BCAT1: variants seen among roughly 807,000 people sequenced by gnomAD.
BCAT1 encodes the protein branched chain amino acid transaminase 1.
A neutral mutation model predicts 52.4 loss-of-function variants in BCAT1; 48 were observed. That is an observed-to-expected ratio of 0.92 (90% CI 0.73 to 1.16). The LOEUF is 1.16. Among genes scored for constraint, BCAT1 ranks in the 50% most tolerant of loss-of-function variants. BCAT1 has a pLI of 0.00. For missense variants in BCAT1, 451 were observed against 457.1 expected (o/e 0.99, Z 0.12); for synonymous variants, 167 against 161.3 (o/e 1.04, Z -0.27).
At chr12:24,850,952 A>G (rs1351700057) in intron 5 of BCAT1, among the ~76,000 whole-genome samples, 1 of 152,238 alleles carries the variant, frequency 6.6e-6, no homozygotes, top group Non-Finnish European at 1.5e-5. Flanking sequence ...AATAACAAAG[A>G]TAGAAGACCA....
At chr12:24,849,688 T>C (rs1941446586) in intron 6 of BCAT1, 98 bp downstream of exon 6, 2 of 1,276,088 alleles carry the variant, frequency 1.6e-6, no homozygotes. Context: ...GCATTAAAGT[T>C]TGAAAAGTAT....
intron 1 of BCAT1, among the ~76,000 whole-genome samples, chr12:24,906,040 T>C (rs1287164783): frequency 6.6e-6 from 1 of 151,484 alleles, no homozygotes; most frequent in Non-Finnish European, 1.5e-5. Flanking sequence ...AATACAAAAA[T>C]TAGCCGGGCT....
In BCAT1 at chr12:24,900,310, G is replaced by A. The variant is rs569397364; in HGVS notation, c.78+1504C>T. Among the ~76,000 whole-genome samples the A allele has an allele frequency of 4.6e-5, 7 of 152,312 alleles. No individual in the cohort carries two copies. In the South Asian group the frequency reaches 1.4e-3, roughly 32 times the overall value. On this transcript the variant is annotated intron_variant, in intron 2 of 10. Coordinates refer to ENST00000261192, the MANE Select transcript of BCAT1 (RefSeq NM_005504.7). ...AAATAAAAAAGATTATTTATGGCCAGGCATTGTGGCTTATGCCTGTGACCC... is the reference window on the plus strand; with the variant it reads ...AAATAAAAAAGATTATTTATGGCCAAGCATTGTGGCTTATGCCTGTGACCC...
intron 1 of BCAT1, among the ~76,000 whole-genome samples, chr12:24,911,997 G>A (rs1943335154): frequency 6.6e-6 from 1 of 152,092 alleles, no homozygotes; most frequent in Non-Finnish European, 1.5e-5. Context: ...ATTATATACT[G>A]GATTGCTTTG....
Position 24,901,818 on chromosome 12 carries a change from A to T in BCAT1, c.74T>A (p.Phe25Tyr). ...EGGSKEVVGT[F>Y]KAKDLIVTPA... The stretch of plus-strand genomic sequence containing the variant: ...AGCCTCTGGCAAGCAACTTACCTTA[A>T]AAGTCCCCACCACCTCTTTTGATCC... Residue 25 changes from phenylalanine to tyrosine, a missense_variant, in exon 2 of 11, where the codon TTT (phenylalanine) becomes TAT (tyrosine). Transcript: ENST00000261192. The T allele has an allele frequency of 1.2e-6, 2 of 1,613,912 alleles. No homozygotes were observed. The highest frequency in any genetic ancestry group is 1.7e-6 in the Non-Finnish European group (2 of 1,179,868).
chr12:24,829,772 TA>T (rs35406045), intron 10 of BCAT1, 50 bp downstream of exon 10: 354,073 of 1,350,754 alleles, frequency 0.26, 49,082 homozygotes, highest in Non-Finnish European at 0.28. Context: ...TAAGGTGACA[TA>T]AAAAAAAGAA....
At chr12:24,838,194 C>CT (rs1412354488) in intron 7 of BCAT1, among the ~76,000 whole-genome samples, 35 of 152,206 alleles carry the variant, frequency 2.3e-4, no homozygotes, top group African/African-American at 8.2e-4. Context: ...ATACCAAACT[C>CT]TATCTTCATC....
intron 6 of BCAT1, among the ~76,000 whole-genome samples, chr12:24,849,429 C>A (rs1287741897): frequency 2.6e-5 from 4 of 152,238 alleles, no homozygotes; most frequent in Non-Finnish European, 4.4e-5. Flanking sequence ...CGTCAGCCTG[C>A]AGCCAGAGAC....
chr12:24,894,567 T>C (rs1430221929), intron 2 of BCAT1, 92 bp from the exon 3 acceptor site: 4 of 1,120,926 alleles, frequency 3.6e-6, no homozygotes, highest in South Asian at 1.6e-5. Flanking sequence ...AGGAAATCAA[T>C]TGACTTTTAA....
At chr12:24,841,130 A>G (rs1941161748) in intron 7 of BCAT1, among the ~76,000 whole-genome samples, 1 of 152,234 alleles carries the variant, frequency 6.6e-6, no homozygotes, top group African/African-American at 2.4e-5. Context: ...ATAGAGAAAT[A>G]TTGATATCTA....
chr12:24,890,755 A>C (rs1942814690), intron 3 of BCAT1, among the ~76,000 whole-genome samples: 1 of 152,244 alleles, frequency 6.6e-6, no homozygotes, highest in South Asian at 2.1e-4. Context: ...AATAACCATT[A>C]AAATAGCCAA....
intron 7 of BCAT1, among the ~76,000 whole-genome samples, chr12:24,837,191 T>C (rs1941017562): frequency 7.5e-6 from 1 of 133,108 alleles, no homozygotes; most frequent in South Asian, 2.4e-4. Context: ...AGTAAAATAA[T>C]GAGATGGTTT....
intron 7 of BCAT1, among the ~76,000 whole-genome samples, chr12:24,836,912 A>AAG (rs1172080250): frequency 0.025 from 505 of 20,244 alleles, 34 homozygotes; most frequent in East Asian, 0.16. Context: ...GAAAGAGAGA[A>AAG]AGAAAGAAAG....
At chr12:24,861,721 G>A (rs1466240354) in intron 5 of BCAT1, among the ~76,000 whole-genome samples, 1 of 152,172 alleles carries the variant, frequency 6.6e-6, no homozygotes, top group African/African-American at 2.4e-5. Context: ...TCTTGAATAG[G>A]GGATAGATAA....
At chr12:24,845,781 G>T (rs1483538067) in intron 6 of BCAT1, among the ~76,000 whole-genome samples, 2 of 152,166 alleles carry the variant, frequency 1.3e-5, no homozygotes, top group Non-Finnish European at 2.9e-5. Context: ...TTTCAGTGGG[G>T]TGTGGTGGCT....
chr12:24,832,822 G>A lies in BCAT1; in HGVS notation c.945C>T (p.Asp315=). Residue 315 remains aspartate (D), a synonymous_variant, in exon 9 of 11, where the codon GAC becomes GAT. Coordinates refer to ENST00000261192, the MANE Select transcript of BCAT1 (RefSeq NM_005504.7). The part of the protein sequence containing the change: ...KVSERYLTMD[D]LTTALEGNRV... ...TGTTCCCCTCCAGGGCTGTTGTCAA[G>A]TCATCCATGGTGAGGTATCTCTCTG... The A allele has an allele frequency of 1.2e-6, 2 of 1,612,398 alleles. No homozygotes were observed. The highest frequency in any genetic ancestry group is 1.7e-6 in the Non-Finnish European group (2 of 1,179,154).
rs1413416179 is a variant in BCAT1 at position 24,920,821 on chromosome 12, C to T, written c.7-18936G>A. Among the ~76,000 whole-genome samples the T allele has an allele frequency of 2.0e-5, 3 of 152,310 alleles. No individual in the cohort carries two copies. In the East Asian group the frequency reaches 5.8e-4, roughly 29 times the overall value. ...GTTTCAAGTTGGGGTTGCCATGACC[C>T]CCTCTTCCGGTTTGATTAATTTGCT... is the stretch of plus-strand genomic sequence containing the variant. On this transcript the variant is annotated intron_variant, in intron 1 of 10. Coordinates refer to ENST00000261192, the MANE Select transcript of BCAT1 (RefSeq NM_005504.7).
chr12:24,837,055 AAG>A (rs1212829574), intron 7 of BCAT1, among the ~76,000 whole-genome samples: 1 of 127,692 alleles, frequency 7.8e-6, no homozygotes, highest in African/African-American at 2.8e-5. Flanking sequence ...AAAGAAAAGA[AAG>A]AGAGAAGGAA....
rs753623345 is a variant in BCAT1, at chr12:24,818,070, C to T, written c.1120-21G>A. On this transcript the variant is annotated intron_variant, in intron 10 of 10. Transcript: ENST00000261192. ...CCATACTGCAACAAAAGCAAGAAAA[C>T]GTGTTTCAGTACAGAAGCTAACAGG... The T allele has an allele frequency of 9.3e-6, 15 of 1,611,590 alleles. No individual in the cohort carries two copies. In the South Asian group the frequency reaches 9.9e-5, roughly 11 times the overall value.
Sources: gnomAD v4.1 joint callset for allele counts (sites outside exome capture counted in the v4.1 genomes callset) on GRCh38, gnomAD v4.1.1 for gene constraint, MANE v1.5 for transcripts, NCBI Gene and HGNC (gene_info 2026-07-23, HGNC 2026-07-21) for gene names.